FRMD4A: variants seen among roughly 807,000 people sequenced by gnomAD.
The protein encoded by FRMD4A is FERM domain containing 4A.
In FRMD4A, 29 loss-of-function variants were observed where a neutral mutation model predicts 129.1. The observed-to-expected ratio is 0.22, with a 90% CI of 0.17 to 0.31. The LOEUF (loss-of-function observed/expected upper bound fraction) is 0.31, where lower values mean the gene tolerates loss of function less well. FRMD4A is among the 10% of genes least tolerant of loss of function. The probability of loss-of-function intolerance (pLI) is 1.00; values close to 1 mark genes in which losing one functional copy is unlikely to be tolerated. For synonymous variants in FRMD4A, 634 were observed against 571.6 expected, an observed-to-expected ratio of 1.11 and a Z score of -1.56; for missense variants, 1,272 against 1,375.8, an observed-to-expected ratio of 0.92 and a Z score of 1.19.
chr10:13,654,104 A>G, intron 23 of FRMD4A: 1 of 520,084 alleles, frequency 1.9e-6, no homozygotes, highest in South Asian at 3.1e-5. Context: ...GTATAATCCA[A>G]ACCGAAATGA....
chr10:14,182,762 G>A (rs900289640), intron 2 of FRMD4A, among the ~76,000 whole-genome samples: 1 of 152,190 alleles, frequency 6.6e-6, no homozygotes, highest in African/African-American at 2.4e-5. Flanking sequence ...GAGTACAGGT[G>A]AAGGCTGTTG....
chr10:13,980,060 G>A (rs2095555333), intron 2 of FRMD4A, among the ~76,000 whole-genome samples: 1 of 152,218 alleles, frequency 6.6e-6, no homozygotes, highest in Admixed American at 6.5e-5. Flanking sequence ...CTGCACTAAT[G>A]TAAGTGGGGT....
chr10:13,850,923 A>C (rs143590723), intron 3 of FRMD4A, among the ~76,000 whole-genome samples: 160 of 152,354 alleles, frequency 1.1e-3, no homozygotes, highest in African/African-American at 3.8e-3. Flanking sequence ...AAATTCTATA[A>C]AGAATTGTAG....
intron 2 of FRMD4A, among the ~76,000 whole-genome samples, chr10:14,039,455 AATCTATCTATC>A (rs1833683871): frequency 1.5e-5 from 1 of 64,590 alleles, no homozygotes; most frequent in Non-Finnish European, 3.8e-5. Flanking sequence ...AAAATCAATC[AATCTATCTATC>A]TATCTATCTA....
chr10:14,022,959 T>G (rs1170742808), intron 2 of FRMD4A, among the ~76,000 whole-genome samples: 5 of 152,068 alleles, frequency 3.3e-5, no homozygotes, highest in Admixed American at 6.5e-5. Context: ...ACGACCAAAC[T>G]CACACCAACA....
chr10:14,094,424 T>C (rs965947258), intron 2 of FRMD4A, among the ~76,000 whole-genome samples: 3 of 152,226 alleles, frequency 2.0e-5, no homozygotes, highest in African/African-American at 7.2e-5. Context: ...GATGTGCCGC[T>C]ATCCTGCTAT....
At chr10:13,766,014 T>C (rs2130717680) in intron 6 of FRMD4A, among the ~76,000 whole-genome samples, 1 of 152,344 alleles carries the variant, frequency 6.6e-6, no homozygotes, top group Non-Finnish European at 1.5e-5. Context: ...AAACCAACCA[T>C]CAGAAAATAA....
In FRMD4A at chr10:13,939,065, T is replaced by C. The variant is rs141421947; in HGVS notation, c.46-80153A>G. ...AGAATGATCTGGTCTGAAAAGTCAA[T>C]AGTACCAAGATTGAGAAACCCGAGG... is the stretch of plus-strand genomic sequence containing the variant. On this transcript the variant is annotated intron_variant, in intron 2 of 24. Coordinates refer to ENST00000357447, the MANE Select transcript of FRMD4A (RefSeq NM_018027.5). 1.7e-3 allele frequency among the ~76,000 whole-genome samples: 260 copies of C among 152,202 alleles called. 5 individuals carry two copies. Among genetic ancestry groups the C allele is most frequent in the Non-Finnish European group, 6.9e-4 (47 of 68,010 alleles).
chr10:14,190,261 C>T (rs973596597), intron 2 of FRMD4A, among the ~76,000 whole-genome samples: 3 of 152,194 alleles, frequency 2.0e-5, no homozygotes, highest in Non-Finnish European at 4.4e-5. Context: ...GACCACCCCT[C>T]TCATGTTGGT....
intron 2 of FRMD4A, among the ~76,000 whole-genome samples, chr10:13,920,428 T>C (rs762968634): frequency 1.3e-5 from 2 of 152,236 alleles, no homozygotes; most frequent in African/African-American, 2.4e-5. Flanking sequence ...CCTGGGTATT[T>C]TGAAAGTGTG....
intron 2 of FRMD4A, among the ~76,000 whole-genome samples, chr10:13,914,930 C>T (rs1404477665): frequency 1.3e-5 from 2 of 152,150 alleles, no homozygotes; most frequent in African/African-American, 2.4e-5. Flanking sequence ...AGGAGTATTG[C>T]GTGAGCCCAT....
chr10:14,185,718 T>C (rs1018325766), intron 2 of FRMD4A, among the ~76,000 whole-genome samples: 4 of 152,106 alleles, frequency 2.6e-5, no homozygotes, highest in Non-Finnish European at 4.4e-5. Context: ...CTTCAGTAGT[T>C]CTAGAGAGAA....
chr10:14,182,715 T>A (rs1841953299), intron 2 of FRMD4A, among the ~76,000 whole-genome samples: 1 of 152,172 alleles, frequency 6.6e-6, no homozygotes, highest in African/African-American at 2.4e-5. Context: ...TAAGGCAGGT[T>A]CGACCGGGGG....
At chr10:13,810,507 G>C (rs753984083) in intron 4 of FRMD4A, among the ~76,000 whole-genome samples, 2 of 151,954 alleles carry the variant, frequency 1.3e-5, no homozygotes, top group Non-Finnish European at 2.9e-5. Flanking sequence ...AACTTAAATA[G>C]AAAACAAACT....
chr10:13,929,954 AG>A (rs1252015374), intron 2 of FRMD4A, among the ~76,000 whole-genome samples: 1 of 152,258 alleles, frequency 6.6e-6, no homozygotes, highest in East Asian at 1.9e-4. Context: ...CATACAGCAA[AG>A]AGCCAGGTAC....
At chr10:13,811,675 T>A (rs2130877200) in intron 3 of FRMD4A, among the ~76,000 whole-genome samples, 1 of 151,954 alleles carries the variant, frequency 6.6e-6, no homozygotes, top group South Asian at 2.1e-4. Flanking sequence ...TTCACCTTGG[T>A]CTGTTACTAC....
intron 2 of FRMD4A, among the ~76,000 whole-genome samples, chr10:14,046,655 G>A (rs1359656954): frequency 2.0e-5 from 3 of 152,150 alleles, no homozygotes; most frequent in African/African-American, 7.2e-5. Context: ...TGACTTAATA[G>A]AGAAAATCAT....
chr10:13,673,818 C>T (rs1023734129), intron 16 of FRMD4A, among the ~76,000 whole-genome samples: 1 of 147,106 alleles, frequency 6.8e-6, no homozygotes, highest in African/African-American at 2.5e-5. Context: ...CTCTGTCACC[C>T]AAGCTGGAGT....
chr10:13,845,209 C>G (rs1007092236), intron 3 of FRMD4A, among the ~76,000 whole-genome samples: 6 of 152,160 alleles, frequency 3.9e-5, no homozygotes, highest in Admixed American at 2.0e-4. Flanking sequence ...GTAATCTGAA[C>G]TCAGTATGAA....
Sources: gnomAD v4.1 joint callset for allele counts (sites outside exome capture counted in the v4.1 genomes callset) on GRCh38, gnomAD v4.1.1 for gene constraint, MANE v1.5 for transcripts, NCBI Gene and HGNC (gene_info 2026-07-23, HGNC 2026-07-21) for gene names.